FAM167A: variants seen among roughly 807,000 people sequenced by gnomAD.
FAM167A encodes the protein protein FAM167A.
In FAM167A, 23 loss-of-function variants were observed where a neutral mutation model predicts 14.9. The observed-to-expected ratio is 1.55, with a 90% confidence interval of 1.11 to 2.19. The LOEUF is 2.19. FAM167A is among the 30% of genes most tolerant of loss of function. The probability of loss-of-function intolerance (pLI) is 0.00; values close to 1 mark genes in which losing one functional copy is unlikely to be tolerated. For synonymous variants in FAM167A, 174 were observed against 117.7 expected (o/e 1.48, Z -3.10); for missense variants, 401 against 281.5 (o/e 1.42, Z -3.04).
At chr8:11,457,515 G>T (rs1460743859) in intron 1 of FAM167A, among the ~76,000 whole-genome samples, 1 of 152,052 alleles carries the variant, frequency 6.6e-6, no homozygotes, top group Non-Finnish European at 1.5e-5. Flanking sequence ...ATGTTTGTTG[G>T]TGTCTGTGTG....
At chr8:11,429,512 G>A (rs193043049) in intron 2 of FAM167A, among the ~76,000 whole-genome samples, 2 of 152,318 alleles carry the variant, frequency 1.3e-5, no homozygotes, top group East Asian at 1.9e-4. Context: ...AGCCGCACAC[G>A]TTTGACATAG....
At chr8:11,446,720 C>A (rs891268777) in intron 1 of FAM167A, 5 of 152,180 alleles carry the variant, frequency 3.3e-5, no homozygotes, top group African/African-American at 1.2e-4. Context: ...ACGCTAAGTC[C>A]GCAAATGCGA....
intron 2 of FAM167A, among the ~76,000 whole-genome samples, chr8:11,429,162 T>C (rs1232317927): frequency 3.9e-5 from 6 of 152,158 alleles, no homozygotes; most frequent in East Asian, 1.9e-4. Context: ...CCTTCTACTT[T>C]CTGTCTGTAT....
At position 11,428,639 on chromosome 8, in the gene FAM167A, C is replaced by G. The variant is rs114055630; in HGVS notation, c.382-4003G>C. Among the ~76,000 whole-genome samples the G allele has an allele frequency of 1.7e-3, 253 of 152,326 alleles. 2 individuals are homozygous for G. Among genetic ancestry groups the G allele is most frequent in the African/African-American group, 5.7e-3 (239 of 41,576 alleles). The stretch of plus-strand genomic sequence containing the variant: ...CGCTAGGATGCACTATGGGTTCTCA[C>G]ATTTAGATGCTCACAATACATAGTG... On this transcript the variant is annotated intron_variant, in intron 2 of 2. Coordinates refer to ENST00000284486, the MANE Select transcript of FAM167A (RefSeq NM_053279.3).
At position 11,428,395 on chromosome 8, in the gene FAM167A, A is replaced by C. The variant is rs149617194; in HGVS notation, c.382-3759T>G. 5.9e-5 allele frequency among the ~76,000 whole-genome samples: 9 copies of C among 152,368 alleles called. No individual in the cohort carries two copies. The East Asian group carries it at 1.5e-3, about 26-fold the overall frequency. On this transcript the variant is annotated intron_variant, in intron 2 of 2. Coordinates refer to ENST00000284486, the MANE Select transcript of FAM167A (RefSeq NM_053279.3). ...CTGTGTCAGTTTCCATGGACTGGAC[A>C]AAGGCCGCCTGGATGGCGTTGCCTC...
intron 1 of FAM167A, among the ~76,000 whole-genome samples, chr8:11,473,822 A>T (rs1797786894): frequency 1.3e-5 from 2 of 152,130 alleles, no homozygotes; most frequent in South Asian, 4.2e-4. Flanking sequence ...AGGGAGTAGC[A>T]CACAGGGAAT....
chr8:11,445,110 C>G (rs961483678), intron 1 of FAM167A: 5 of 982,456 alleles, frequency 5.1e-6, no homozygotes, highest in Admixed American at 6.1e-5. Flanking sequence ...ATTTCACACA[C>G]GAGGAACCCA....
At chr8:11,448,755 G>A (rs1280041088) in intron 1 of FAM167A, among the ~76,000 whole-genome samples, 6 of 152,308 alleles carry the variant, frequency 3.9e-5, no homozygotes, top group Admixed American at 1.3e-4. Context: ...CCCACGGCTC[G>A]GGGTGTTGGA....
At chr8:11,473,336 C>T (rs985408836) in intron 1 of FAM167A, among the ~76,000 whole-genome samples, 2 of 151,964 alleles carry the variant, frequency 1.3e-5, no homozygotes, top group Non-Finnish European at 2.9e-5. Context: ...TCAGGAAGGC[C>T]GAGACATGAG....
rs1478838901 is a variant in FAM167A, at chr8:11,424,055, T to G, written c.*318A>C. The G allele has an allele frequency of 1.7e-5, 5 of 291,916 alleles. No individual in the cohort carries two copies. The highest frequency in any genetic ancestry group is 1.1e-4 in the African/African-American group (5 of 47,332). The allele number at this position is 291,916 out of a possible 1,614,324, so 18.1% of individuals were successfully genotyped here. A position where few individuals can be genotyped will look rare whatever the true frequency, so the allele number is the denominator to read the frequency against. ...GAATCCCAGTTCATAGCACCAGTGA[T>G]TCCAGGAAACAGGAACGTGACCGTG... On this transcript the variant is annotated 3_prime_UTR_variant, in exon 3 of 3. Coordinates refer to ENST00000284486, the MANE Select transcript of FAM167A (RefSeq NM_053279.3).
chr8:11,442,982 C>T (rs1488156799), intron 2 of FAM167A, among the ~76,000 whole-genome samples: 6 of 152,208 alleles, frequency 3.9e-5, no homozygotes, highest in Admixed American at 3.9e-4. Flanking sequence ...ATTTAGTTTT[C>T]GGGATTCTGC....
In FAM167A at chr8:11,426,432, CAG is replaced by C. The variant is rs767908572; in HGVS notation, c.382-1798_382-1797del. 8.5e-5 allele frequency among the ~76,000 whole-genome samples: 13 copies of C among 152,312 alleles called. No homozygotes were observed. In the East Asian group the frequency reaches 9.6e-4, roughly 11 times the overall value. On this transcript the variant is annotated intron_variant, in intron 2 of 2. Coordinates refer to ENST00000284486, the MANE Select transcript of FAM167A (RefSeq NM_053279.3). Reference sequence around the variant, plus strand: ...AGAATAAACCTCTTTAAGTATTTTACAGAGTTTGTTTTCTTCTGTTAACAAAG... The same window carrying C: ...AGAATAAACCTCTTTAAGTATTTTACAGTTTGTTTTCTTCTGTTAACAAAG...
chr8:11,474,299 C>T (rs1797800079), intron 1 of FAM167A, among the ~76,000 whole-genome samples: 1 of 152,234 alleles, frequency 6.6e-6, no homozygotes, highest in South Asian at 2.1e-4. Flanking sequence ...AGCAAACTGG[C>T]AGCATTCCTG....
intron 1 of FAM167A, among the ~76,000 whole-genome samples, chr8:11,472,888 G>A (rs1808003824): frequency 6.6e-6 from 1 of 152,236 alleles, no homozygotes; most frequent in Non-Finnish European, 1.5e-5. Context: ...CTGGGCAGAG[G>A]CAGGAGGCCG....
chr8:11,471,936 G>A (rs1037970710), upstream of FAM167A, among the ~76,000 whole-genome samples: 10 of 152,236 alleles, frequency 6.6e-5, no homozygotes, highest in African/African-American at 2.4e-4. Context: ...GGTGGGGCCT[G>A]AGGCCTCACT....
chr8:11,438,761 G>A (rs1806230257), intron 2 of FAM167A: 9 of 345,774 alleles, frequency 2.6e-5, no homozygotes, highest in South Asian at 1.1e-4. Context: ...CAGGGCTGGT[G>A]CCAGACAGGC....
At chr8:11,429,953 G>A (rs1411465720) in intron 2 of FAM167A, among the ~76,000 whole-genome samples, 2 of 152,206 alleles carry the variant, frequency 1.3e-5, no homozygotes, top group Admixed American at 6.5e-5. Context: ...AAAGTAAGAG[G>A]TGCACCATCA....
intron 2 of FAM167A, among the ~76,000 whole-genome samples, chr8:11,437,005 A>G (rs1806064275): frequency 6.6e-6 from 1 of 152,066 alleles, no homozygotes; most frequent in Non-Finnish European, 1.5e-5. Context: ...AGGCAAATCT[A>G]TTTTCTGCCC....
upstream of FAM167A, among the ~76,000 whole-genome samples, chr8:11,472,437 G>GT (rs113039104): frequency 0.14 from 16,673 of 122,440 alleles, 2,193 homozygotes; most frequent in African/African-American, 0.33. Flanking sequence ...TGTTTTTTGG[G>GT]TTTTTTTTTT....
Sources: allele counts gnomAD v4.1 joint callset (sites outside exome capture counted in the v4.1 genomes callset), GRCh38; gene constraint gnomAD v4.1.1; transcripts MANE v1.5; gene names NCBI Gene and HGNC (gene_info 2026-07-23, HGNC 2026-07-21).